Variants in GAREM1 observed in about 807,000 individuals in gnomAD.
GAREM1 encodes GRB2 associated regulator of MAPK1 subtype 1, also known as GRB2-associated and regulator of MAPK protein 1.
Under a neutral mutation model 71.3 loss-of-function variants are expected in GAREM1, and 26 were observed. The observed-to-expected ratio is 0.36, with a 90% CI of 0.27 to 0.51. The LOEUF (loss-of-function observed/expected upper bound fraction) is 0.51, where lower values mean the gene tolerates loss of function less well. GAREM1 is among the 20% of genes least tolerant of loss of function. GAREM1 has a pLI of 0.95. For synonymous variants in GAREM1, 440 were observed against 433.2 expected (o/e 1.02, Z -0.20); for missense variants, 1,026 against 1,103.1 (o/e 0.93, Z 0.99).
Position 32,392,882 on chromosome 18 carries a change from G to C in GAREM1, c.262+13C>G, listed in dbSNP as rs2048216027. On this transcript the variant is annotated intron_variant, in intron 2 of 5. Coordinates refer to ENST00000269209, the MANE Select transcript of GAREM1 (RefSeq NM_001242409.2). ...CTCTCGCTGCCTCATCTTGGCCCTT[G>C]GAGGAGTCTTACCTGCATAATGTAC... The C allele has an allele frequency of 6.2e-7, 1 of 1,610,980 alleles. No individual in the cohort carries two copies. Among genetic ancestry groups the C allele is most frequent in the Non-Finnish European group, 8.5e-7 (1 of 1,177,936 alleles).
chr18:32,439,142 A>T (rs1464120356), intron 1 of GAREM1, among the ~76,000 whole-genome samples: 1 of 152,204 alleles, frequency 6.6e-6, no homozygotes, highest in Non-Finnish European at 1.5e-5. Context: ...ATTGCAGAGG[A>T]TCCTCAAGAC....
intron 1 of GAREM1, among the ~76,000 whole-genome samples, chr18:32,447,047 A>G (rs1235033261): frequency 6.6e-6 from 1 of 152,194 alleles, no homozygotes; most frequent in Non-Finnish European, 1.5e-5. Context: ...AGAGAGCACT[A>G]ATTACATGCA....
At chr18:32,310,997 T>C (rs955068391) in intron 2 of GAREM1, among the ~76,000 whole-genome samples, 1 of 152,168 alleles carries the variant, frequency 6.6e-6, no homozygotes, top group Non-Finnish European at 1.5e-5. Context: ...TCCATGTGGC[T>C]CCTTTCTTTC....
chr18:32,470,518 C>G lies in GAREM1; in HGVS notation c.-90G>C, dbSNP rs1239572214. The G allele has an allele frequency of 2.0e-6, 2 of 983,112 alleles. No individual in the cohort carries two copies. Among genetic ancestry groups the G allele is most frequent in the Non-Finnish European group, 2.5e-6 (2 of 815,014 alleles). 60.9% of individuals were successfully genotyped at this position (983,112 alleles called of 1,614,324 possible). A position where few individuals can be genotyped will look rare whatever the true frequency, so the allele number is the denominator to read the frequency against. On this transcript the variant is annotated 5_prime_UTR_variant, in exon 1 of 6. Coordinates refer to ENST00000269209, the MANE Select transcript of GAREM1 (RefSeq NM_001242409.2). This position sits in a 1 kb window ranked among gnomAD's most constrained non-coding sequence, Gnocchi z 4.4. ...GGCCGCCGCTGCTCGCGCTCGCGGT[C>G]TGGGGCGCGCGGGAGGCGCCGGGCA...
At chr18:32,451,187 A>C (rs1462553605) in intron 1 of GAREM1, among the ~76,000 whole-genome samples, 1 of 152,084 alleles carries the variant, frequency 6.6e-6, no homozygotes, top group South Asian at 2.1e-4. Flanking sequence ...ATGGAAGCAC[A>C]AACTGAGGCT....
chr18:32,335,666 G>GTATT (rs2047583934), intron 2 of GAREM1, among the ~76,000 whole-genome samples: 1 of 152,106 alleles, frequency 6.6e-6, no homozygotes, highest in Admixed American at 6.5e-5. Flanking sequence ...TCCATCTCTT[G>GTATT]TATTTATTTC....
At chr18:32,310,044 C>A in intron 3 of GAREM1, 149 bp downstream of exon 3, 2 of 693,916 alleles carry the variant, frequency 2.9e-6, no homozygotes, top group Non-Finnish European at 4.7e-6. Context: ...AGGTCAGCTA[C>A]AATATATGTG....
intron 2 of GAREM1, among the ~76,000 whole-genome samples, chr18:32,355,056 C>T (rs1015816869): frequency 2.0e-5 from 3 of 152,236 alleles, no homozygotes; most frequent in African/African-American, 7.2e-5. Context: ...AGCATGGAAA[C>T]TAATATTTTA....
At chr18:32,467,212 C>T (rs2049008278) in intron 1 of GAREM1, among the ~76,000 whole-genome samples, 1 of 152,134 alleles carries the variant, frequency 6.6e-6, no homozygotes, top group Admixed American at 6.5e-5. Flanking sequence ...TCTTTTCAGC[C>T]ACTCCTTTGG....
chr18:32,280,522 G>C (rs979839539), intron 4 of GAREM1, among the ~76,000 whole-genome samples: 2 of 152,094 alleles, frequency 1.3e-5, no homozygotes, highest in African/African-American at 4.8e-5. Context: ...CTTTTTCACA[G>C]GCACTCTAGT....
intron 1 of GAREM1, among the ~76,000 whole-genome samples, chr18:32,432,308 T>C (rs2144259361): frequency 6.6e-6 from 1 of 152,060 alleles, no homozygotes; most frequent in South Asian, 2.1e-4. Context: ...GCTTACATTA[T>C]AAAAGTAGAA....
At chr18:32,363,400 T>C (rs1406399877) in intron 2 of GAREM1, among the ~76,000 whole-genome samples, 1 of 152,212 alleles carries the variant, frequency 6.6e-6, no homozygotes, top group African/African-American at 2.4e-5. Context: ...TATGCTGTCA[T>C]AATTGTATAG....
At chr18:32,393,175 G>T in intron 1 of GAREM1, 140 bp from the exon 2 acceptor site, 34 of 608,730 alleles carry the variant, frequency 5.6e-5, no homozygotes, top group East Asian at 1.0e-4. Flanking sequence ...GTTTACCTCT[G>T]AATTGTTTTT....
intron 4 of GAREM1, among the ~76,000 whole-genome samples, chr18:32,284,410 ATTTC>A (rs1166893820): frequency 6.6e-6 from 1 of 152,088 alleles, no homozygotes; most frequent in Non-Finnish European, 1.5e-5. Context: ...CAAATTTAGC[ATTTC>A]TTTTTTAGTA....
intron 2 of GAREM1, among the ~76,000 whole-genome samples, chr18:32,377,573 CT>C (rs974425553): frequency 1.3e-5 from 2 of 151,926 alleles, no homozygotes; most frequent in Non-Finnish European, 2.9e-5. Context: ...AAGATTATTT[CT>C]TTTTTTTGAG....
intron 1 of GAREM1, among the ~76,000 whole-genome samples, chr18:32,457,385 G>C (rs1336252577): frequency 6.6e-6 from 1 of 151,918 alleles, no homozygotes; most frequent in Non-Finnish European, 1.5e-5. Flanking sequence ...AGAGGGGAAT[G>C]AAGACTACAA....
At chr18:32,429,942 CA>C (rs1199765642) in intron 1 of GAREM1, among the ~76,000 whole-genome samples, 1 of 152,108 alleles carries the variant, frequency 6.6e-6, no homozygotes, top group African/African-American at 2.4e-5. Flanking sequence ...TAAACAAGTT[CA>C]AAAAATACTA....
intron 4 of GAREM1, among the ~76,000 whole-genome samples, chr18:32,286,010 A>G (rs2144461063): frequency 6.6e-6 from 1 of 152,336 alleles, no homozygotes; most frequent in Non-Finnish European, 1.5e-5. Context: ...GGATTCATGT[A>G]ATTCTTTTAA....
intron 2 of GAREM1, among the ~76,000 whole-genome samples, chr18:32,347,052 G>A (rs2144585101): frequency 6.6e-6 from 1 of 152,222 alleles, no homozygotes; most frequent in South Asian, 2.1e-4. Context: ...AGACAGCCAG[G>A]TTTGGGGCCT....
Sources: allele counts gnomAD v4.1 joint callset (sites outside exome capture counted in the v4.1 genomes callset), GRCh38; gene constraint gnomAD v4.1.1; non-coding constraint Gnocchi (gnomAD v3.1); transcripts MANE v1.5; gene names NCBI Gene and HGNC (gene_info 2026-07-23, HGNC 2026-07-21).